Variants in ESR1 observed in about 807,000 individuals in gnomAD.
The protein encoded by ESR1 is estrogen receptor 1.
A neutral mutation model predicts 52.7 loss-of-function variants in ESR1; 12 were observed. That is an observed-to-expected ratio of 0.23 (90% confidence interval 0.15 to 0.37). ESR1 has a LOEUF of 0.37. Ranked by LOEUF, ESR1 falls within the 10% of genes least tolerant of loss-of-function variation. The pLI is 1.00. For synonymous variants in ESR1, 305 were observed against 316.8 expected, an observed-to-expected ratio of 0.96 and a Z score of 0.39; for missense variants, 584 against 779.7, an observed-to-expected ratio of 0.75 and a Z score of 2.99.
At chr6:152,057,620 C>T (rs771511006) in intron 5 of ESR1, among the ~76,000 whole-genome samples, 25 of 151,816 alleles carry the variant, frequency 1.6e-4, no homozygotes, top group Non-Finnish European at 2.8e-4. Flanking sequence ...CTGGGGTCTT[C>T]CTATCATAAT....
At chr6:151,977,963 G>GAAAAAAAAAAAAAAAAA (rs5880951) in intron 4 of ESR1, among the ~76,000 whole-genome samples, 2 of 118,352 alleles carry the variant, frequency 1.7e-5, no homozygotes, top group African/African-American at 6.5e-5. Context: ...AAAAAAAAAA[G>GAAAAAAAAAAAAAAAAA]AAAAAAAAAA....
At chr6:152,034,027 G>A (rs1359781884) in intron 5 of ESR1, among the ~76,000 whole-genome samples, 2 of 151,318 alleles carry the variant, frequency 1.3e-5, no homozygotes, top group Non-Finnish European at 2.9e-5. Flanking sequence ...CATTGTGAGC[G>A]AACTATCACA....
intron 2 of ESR1, among the ~76,000 whole-genome samples, chr6:151,852,197 A>C (rs1786884545): frequency 6.6e-6 from 1 of 152,182 alleles, no homozygotes; most frequent in African/African-American, 2.4e-5. Flanking sequence ...TGATAGCTGG[A>C]TGTCCAGATG....
chr6:152,082,700 A>G (rs2049333137), intron 6 of ESR1, among the ~76,000 whole-genome samples: 2 of 152,240 alleles, frequency 1.3e-5, no homozygotes, highest in African/African-American at 2.4e-5. Flanking sequence ...ACACGATTGT[A>G]TATTTAGAAA....
intron 2 of ESR1, among the ~76,000 whole-genome samples, chr6:151,863,281 A>C (rs1213924148): frequency 6.6e-6 from 1 of 152,088 alleles, no homozygotes; most frequent in South Asian, 2.1e-4. Flanking sequence ...ATGAGCGTGG[A>C]ATGTTCTTCC....
At chr6:151,933,060 A>G (rs950248293) in intron 3 of ESR1, among the ~76,000 whole-genome samples, 2 of 151,920 alleles carry the variant, frequency 1.3e-5, no homozygotes, top group Non-Finnish European at 2.9e-5. Context: ...GGCCATTTTC[A>G]CGATATTGAT....
chr6:151,959,198 C>G (rs1029172338), intron 4 of ESR1, among the ~76,000 whole-genome samples: 2 of 152,112 alleles, frequency 1.3e-5, no homozygotes, highest in Non-Finnish European at 2.9e-5. Context: ...GCAGGAAATG[C>G]CCCCTATTCA....
At chr6:151,797,489 A>G (rs1330109772) in intron 2 of ESR1, among the ~76,000 whole-genome samples, 5 of 152,218 alleles carry the variant, frequency 3.3e-5, no homozygotes, top group Non-Finnish European at 7.3e-5. Flanking sequence ...TGTCTCTAGC[A>G]TTGCAAGTAG....
chr6:152,028,086 G>A (rs1322485652), intron 5 of ESR1, among the ~76,000 whole-genome samples: 1 of 152,152 alleles, frequency 6.6e-6, no homozygotes, highest in Non-Finnish European at 1.5e-5. Context: ...AGAGCTTGCA[G>A]TGAGCCAAGA....
intron 3 of ESR1, among the ~76,000 whole-genome samples, chr6:151,939,739 C>A (rs897185445): frequency 6.6e-6 from 1 of 152,016 alleles, no homozygotes; most frequent in African/African-American, 2.4e-5. Context: ...CCCTTGGGAT[C>A]CTATCACATG....
At chr6:152,117,116 C>G (rs886303012) in intron 6 of ESR1, among the ~76,000 whole-genome samples, 43 of 152,172 alleles carry the variant, frequency 2.8e-4, no homozygotes, top group African/African-American at 9.2e-4. Flanking sequence ...GAGCCAAACC[C>G]ACTCTGAAAG....
chr6:151,946,870 G>T (rs1165813037), intron 4 of ESR1, among the ~76,000 whole-genome samples: 1 of 152,100 alleles, frequency 6.6e-6, no homozygotes, highest in Non-Finnish European at 1.5e-5. Context: ...CAGAAAAATA[G>T]ACAAAGCAAC....
At chr6:152,006,271 C>A (rs1217870960) in intron 4 of ESR1, among the ~76,000 whole-genome samples, 1 of 151,836 alleles carries the variant, frequency 6.6e-6, no homozygotes, top group Non-Finnish European at 1.5e-5. Flanking sequence ...ATGGATTAAA[C>A]CCATTTTCTT....
At chr6:152,049,237 A>G (rs543996362) in intron 5 of ESR1, among the ~76,000 whole-genome samples, 186 of 152,342 alleles carry the variant, frequency 1.2e-3, no homozygotes, top group African/African-American at 4.2e-3. Flanking sequence ...TGACAGAAGC[A>G]TCTGTAATAA....
chr6:151,773,787 G>A (rs1785716540), intron 2 of ESR1, among the ~76,000 whole-genome samples: 1 of 152,218 alleles, frequency 6.6e-6, no homozygotes, highest in Non-Finnish European at 1.5e-5. Flanking sequence ...TAATCACCTT[G>A]AAAGAATAAT....
chr6:151,834,709 A>G (rs1783014421), intron 1 of ESR1, among the ~76,000 whole-genome samples: 1 of 152,074 alleles, frequency 6.6e-6, no homozygotes, highest in Admixed American at 6.6e-5. Context: ...TAAAAAAAAA[A>G]GAAAAGAAAA....
chr6:151,918,517 G>A (rs552441935), intron 3 of ESR1, among the ~76,000 whole-genome samples: 1 of 152,336 alleles, frequency 6.6e-6, no homozygotes, highest in East Asian at 1.9e-4. Context: ...GGTGCTGGCA[G>A]ATGACATCAT....
chr6:152,117,026 C>T (rs2051218608), intron 6 of ESR1, among the ~76,000 whole-genome samples: 1 of 152,198 alleles, frequency 6.6e-6, no homozygotes, highest in Non-Finnish European at 1.5e-5. Context: ...CAGGTGGTAG[C>T]TTGGAAGCCC....
At chr6:151,979,523 A>G (rs1257673538) in intron 4 of ESR1, among the ~76,000 whole-genome samples, 2 of 152,212 alleles carry the variant, frequency 1.3e-5, no homozygotes, top group Non-Finnish European at 2.9e-5. Flanking sequence ...TTTTAATGCC[A>G]TAAAACTGTG....
Sources: gnomAD v4.1 joint callset for allele counts (sites outside exome capture counted in the v4.1 genomes callset) on GRCh38, gnomAD v4.1.1 for gene constraint, MANE v1.5 for transcripts, NCBI Gene and HGNC (gene_info 2026-07-23, HGNC 2026-07-21) for gene names.